SF3B3: variants seen among roughly 807,000 people sequenced by gnomAD.
SF3B3 encodes splicing factor 3b subunit 3.
SF3B3 carries 33 observed loss-of-function variants against 139.2 expected under a neutral mutation model. The observed-to-expected ratio is 0.24, with a 90% CI of 0.18 to 0.32. SF3B3 has a LOEUF of 0.32. Ranked by LOEUF, SF3B3 falls within the 10% of genes least tolerant of loss-of-function variation. SF3B3 has a pLI of 1.00. For missense variants in SF3B3, 818 were observed against 1,509.4 expected (o/e 0.54, Z 7.59); for synonymous variants, 596 against 563.6 (o/e 1.06, Z -0.81).
intron 2 of SF3B3, among the ~76,000 whole-genome samples, chr16:70,527,561 A>C (rs957473924): frequency 1.3e-5 from 2 of 152,214 alleles, no homozygotes; most frequent in Non-Finnish European, 2.9e-5. Context: ...TCTGATCCTC[A>C]TTATGGCTCT....
At position 70,556,770 on chromosome 16, in the gene SF3B3, G is replaced by C; in HGVS notation, c.1867-116G>C. The C allele has an allele frequency of 1.1e-5, 13 of 1,150,740 alleles. 1 individual carries two copies. In the South Asian group the frequency reaches 1.5e-4, roughly 13 times the overall value. The allele number at this position is 1,150,740 out of a possible 1,614,324, so 71.3% of individuals were successfully genotyped here. A position where few individuals can be genotyped will look rare whatever the true frequency, so the allele number is the denominator to read the frequency against. On this transcript the variant is annotated intron_variant, in intron 14 of 25. Coordinates refer to ENST00000302516, the MANE Select transcript of SF3B3 (RefSeq NM_012426.5). ...TACTCTCTTAGAACTCACTCCCCGG[G>C]TTTTTTCTGTGCATAAGGAAGTACT... is the stretch of plus-strand genomic sequence containing the variant.
At position 70,573,056 on chromosome 16, in the gene SF3B3, A is replaced by T. The variant is rs559708218; in HGVS notation, c.*1243A>T. Reference sequence around the variant, plus strand: ...TTAGAATCAGGAATGGTGGAATACAATCTGAACCTCTCAGAGCCCAGAACA... The same window carrying T: ...TTAGAATCAGGAATGGTGGAATACATTCTGAACCTCTCAGAGCCCAGAACA... On this transcript the variant is annotated 3_prime_UTR_variant, in exon 26 of 26. Coordinates refer to ENST00000302516, the MANE Select transcript of SF3B3 (RefSeq NM_012426.5). 6.6e-6 allele frequency: 1 copy of T among 152,326 alleles called. No individual in the cohort carries two copies. The highest frequency in any genetic ancestry group is 2.1e-4 in the South Asian group (1 of 4,818). The allele number at this position is 152,326 out of a possible 1,614,324, so 9.4% of individuals were successfully genotyped here.
intron 11 of SF3B3, among the ~76,000 whole-genome samples, chr16:70,551,015 A>G (rs2050319853): frequency 6.6e-6 from 1 of 152,204 alleles, no homozygotes; most frequent in Admixed American, 6.5e-5. Context: ...ACCGAGAGAA[A>G]GCTTTTGAGT....
At chr16:70,542,437 TTG>T (rs1028305142) in intron 9 of SF3B3, among the ~76,000 whole-genome samples, 3 of 152,194 alleles carry the variant, frequency 2.0e-5, no homozygotes, top group Non-Finnish European at 2.9e-5. Flanking sequence ...AGAATGGAGT[TTG>T]TGTCTCTCAT....
rs549435778 is a variant in SF3B3 at position 70,554,456 on chromosome 16, T to C, written c.1413T>C (p.Asp471=). 49 of 1,614,212 alleles carry C rather than the reference T, an allele frequency of 3.0e-5. 1 individual carries two copies. The South Asian group carries it at 4.6e-4, about 15-fold the overall frequency. The change falls in exon 12 of 26, where the codon GAT becomes GAC. Residue 471 remains aspartate (D), a synonymous_variant. Coordinates refer to ENST00000302516, the MANE Select transcript of SF3B3 (RefSeq NM_012426.5). Reference sequence around the variant, plus strand: ...TCTTTTCTTTTTCAGATGAGTTTGATGCCTACATCATTGTGTCTTTCGTGA... The same window carrying C: ...TCTTTTCTTTTTCAGATGAGTTTGACGCCTACATCATTGTGTCTTTCGTGA... ...TVRRHIEDEF[D]AYIIVSFVNA... is the part of the protein sequence containing the mutation.
rs554823059 is a variant in SF3B3 at position 70,529,257 on chromosome 16, C to A, written c.397+58C>A. 61 of 1,419,676 alleles carry A rather than the reference C, an allele frequency of 4.3e-5. No homozygotes were observed. In the African/African-American group the frequency reaches 7.9e-4, roughly 18 times the overall value. 87.9% of individuals were successfully genotyped at this position (1,419,676 alleles called of 1,614,324 possible). ...TAGTTTAGGATAACAATGCTGTGCT[C>A]TTGGTGGTGTGCCAGTGCCAATTAA... On this transcript the variant is annotated intron_variant, in intron 3 of 25. Transcript: ENST00000302516.
intron 23 of SF3B3, among the ~76,000 whole-genome samples, 176 bp downstream of exon 23, chr16:70,569,317 T>C (rs4985534): frequency 0.62 from 95,006 of 152,116 alleles, 32,357 homozygotes; most frequent in African/African-American, 0.91. Flanking sequence ...GTAGCGAGTT[T>C]CTTAGAGAGA....
chr16:70,557,734 A>G (rs1434846124), intron 15 of SF3B3, among the ~76,000 whole-genome samples: 1 of 150,690 alleles, frequency 6.6e-6, no homozygotes, highest in African/African-American at 2.4e-5. Flanking sequence ...TTTCTTTTTT[A>G]GTTTTAACAG....
rs71151192 is a variant in SF3B3 at position 70,570,333 on chromosome 16, GTTTT to G, written c.3408+198_3408+201del. On this transcript the variant is annotated intron_variant, in intron 24 of 25. Transcript: ENST00000302516. ...TCCCGCACCCAGGGAAGGCCATTTG[GTTTT>G]TTTTTTTTTTTTTGCGACGGAGTCT... Among the ~76,000 whole-genome samples, 3 of 121,808 alleles carry G rather than the reference GTTTT, an allele frequency of 2.5e-5. 1 individual carries two copies. The highest frequency in any genetic ancestry group is 1.9e-4 in the Admixed American group (2 of 10,780). The allele number at this position is 121,808 out of a possible 152,430, so 79.9% of individuals were successfully genotyped here. A position where few individuals can be genotyped will look rare whatever the true frequency, so the allele number is the denominator to read the frequency against.
chr16:70,533,597 C>T (rs933965299), intron 5 of SF3B3, among the ~76,000 whole-genome samples: 3 of 152,180 alleles, frequency 2.0e-5, no homozygotes, highest in Non-Finnish European at 4.4e-5. Context: ...GGTTGGAAAT[C>T]AGTTCACCAT....
In SF3B3 at chr16:70,568,380, A is replaced by C. The variant is rs373970204; in HGVS notation, c.3050A>C (p.Asn1017Thr). The change falls in exon 22 of 26, where the codon AAT becomes ACT. Residue 1017 changes from asparagine (N) to threonine (T), a missense_variant. By Grantham distance (65) the Asn-to-Thr change is moderately conservative. Coordinates refer to ENST00000302516, the MANE Select transcript of SF3B3 (RefSeq NM_012426.5). ...ESFIWVRYKR[N>T]ENQLIIFADD... Reference sequence around the variant, plus strand: ...TTCATCTGGGTTCGCTACAAGCGTAATGAAAACCAGCTTATCATCTTTGCT... The same window carrying C: ...TTCATCTGGGTTCGCTACAAGCGTACTGAAAACCAGCTTATCATCTTTGCT... 1.1e-5 allele frequency: 17 copies of C among 1,614,072 alleles called. No homozygotes were observed. The highest frequency in any genetic ancestry group is 2.7e-5 in the African/African-American group (2 of 75,052).
intron 16 of SF3B3, among the ~76,000 whole-genome samples, chr16:70,561,065 G>T (rs2050423795): frequency 6.6e-6 from 1 of 152,018 alleles, no homozygotes; most frequent in African/African-American, 2.4e-5. Context: ...CTGTCGCCCA[G>T]GCTGGAATGT....
chr16:70,551,967 CTG>C (rs1367197627), intron 11 of SF3B3, among the ~76,000 whole-genome samples: 1 of 152,176 alleles, frequency 6.6e-6, no homozygotes, highest in Non-Finnish European at 1.5e-5. Flanking sequence ...TTGAGGAAGT[CTG>C]TGATGTAAAG....
At chr16:70,553,429 G>C (rs1040108715) in intron 11 of SF3B3, among the ~76,000 whole-genome samples, 10 of 152,196 alleles carry the variant, frequency 6.6e-5, no homozygotes, top group Admixed American at 4.6e-4. Flanking sequence ...GCTACTGCTA[G>C]GAGTGAGTCA....
chr16:70,554,585 T>C lies in SF3B3; in HGVS notation c.1542T>C (p.Asp514=), dbSNP rs887219384. The change falls in exon 12 of 26, where the codon GAT becomes GAC. Residue 514 remains aspartate (D), a synonymous_variant. Transcript: ENST00000302516. The stretch of plus-strand genomic sequence containing the variant: ...TGTCCTGCTCCTTATTAGGAGATGA[T>C]GCCTTGGTGCAGGTGAGGGTTCTCA... The part of the protein sequence containing the change: ...PTLSCSLLGD[D]ALVQVYPDGI... The C allele has an allele frequency of 5.0e-6, 8 of 1,614,090 alleles. No individual in the cohort carries two copies. In the African/African-American group the frequency reaches 1.1e-4, roughly 22 times the overall value.
Position 70,571,691 on chromosome 16 carries a change from C to T in SF3B3, c.3532C>T (p.Leu1178Phe). The change falls in exon 26 of 26, where the codon CTC becomes TTC. Residue 1178 changes from leucine (L) to phenylalanine (F), a missense_variant. By Grantham distance (22) the Leu-to-Phe change is conservative. Coordinates refer to ENST00000302516, the MANE Select transcript of SF3B3 (RefSeq NM_012426.5). ...ATCTTAGAATGTGATTGATGGAGACCTCTGTGAGCAGTTCAATTCCATGGA... is the reference window on the plus strand; with the variant it reads ...ATCTTAGAATGTGATTGATGGAGACTTCTGTGAGCAGTTCAATTCCATGGA... Reference protein sequence around the residue: ...FPVKNVIDGDLCEQFNSMEPN... With the variant: ...FPVKNVIDGDFCEQFNSMEPN... 1 of 1,612,600 alleles carries T rather than the reference C, an allele frequency of 6.2e-7. No homozygotes were observed.
intron 5 of SF3B3, 151 bp from the exon 6 acceptor site, chr16:70,535,157 C>CA: frequency 1.9e-6 from 1 of 523,618 alleles, no homozygotes; most frequent in Non-Finnish European, 3.5e-6. Flanking sequence ...CCTTATCTAC[C>CA]ATGAACATAA....
rs1454241025 is a variant in SF3B3, at chr16:70,538,477, T to A, written c.963+17T>A. On this transcript the variant is annotated intron_variant, in intron 7 of 25. Transcript: ENST00000302516. ...GAAGATATGGTAAGTAGACCATGGATGGACCAGTATAGCTACTCTATGAGA... is the reference window on the plus strand; with the variant it reads ...GAAGATATGGTAAGTAGACCATGGAAGGACCAGTATAGCTACTCTATGAGA... 3.7e-6 allele frequency: 6 copies of A among 1,603,472 alleles called. No homozygotes were observed.
intron 1 of SF3B3, among the ~76,000 whole-genome samples, chr16:70,525,661 G>A (rs542366696): frequency 2.6e-5 from 4 of 151,964 alleles, no homozygotes; most frequent in Admixed American, 6.6e-5. Context: ...GTCCTAGAAC[G>A]TTAAACATAT....
Sources: allele counts gnomAD v4.1 joint callset (sites outside exome capture counted in the v4.1 genomes callset), GRCh38; gene constraint gnomAD v4.1.1; transcripts MANE v1.5; gene names NCBI Gene and HGNC (gene_info 2026-07-23, HGNC 2026-07-21).